Variants in LARS2 observed in about 807,000 individuals in gnomAD.
The protein encoded by LARS2 is leucyl-tRNA synthetase 2, mitochondrial, also known as leucine--tRNA ligase, mitochondrial.
Under a neutral mutation model 116.6 loss-of-function variants are expected in LARS2, and 81 were observed. The ratio of observed to expected loss-of-function variants is 0.69; its 90% CI spans 0.58 to 0.84. The LOEUF is 0.84. Ranked by LOEUF, LARS2 falls within the 40% of genes least tolerant of loss-of-function variation. The probability of loss-of-function intolerance (pLI) is 0.00; values close to 1 mark genes in which losing one functional copy is unlikely to be tolerated. For missense variants in LARS2, 968 were observed against 1,114.5 expected (o/e 0.87, Z 1.87); for synonymous variants, 396 against 407.2 (o/e 0.97, Z 0.33).
intron 4 of LARS2, among the ~76,000 whole-genome samples, chr3:45,415,892 GGGAGAGAGA>G (rs1559461384): frequency 2.0e-4 from 14 of 69,748 alleles, no homozygotes; most frequent in Non-Finnish European, 2.5e-4. Flanking sequence ...GAGAGAGAGA[GGGAGAGAGA>G]GAGAGAGAGA....
intron 20 of LARS2, among the ~76,000 whole-genome samples, chr3:45,539,148 T>C (rs1038931594): frequency 6.6e-5 from 10 of 152,142 alleles, no homozygotes; most frequent in Non-Finnish European, 1.3e-4. Flanking sequence ...ATAATGTTTT[T>C]TCACAGTAAA....
chr3:45,521,053 C>T (rs1700445182), intron 19 of LARS2, among the ~76,000 whole-genome samples: 1 of 152,004 alleles, frequency 6.6e-6, no homozygotes, highest in African/African-American at 2.4e-5. Context: ...ACCTGTAATC[C>T]CAGCACTTTG....
At chr3:45,513,963 T>C (rs1465069986) in intron 16 of LARS2, among the ~76,000 whole-genome samples, 3 of 152,154 alleles carry the variant, frequency 2.0e-5, no homozygotes, top group African/African-American at 7.2e-5. Flanking sequence ...CCCAGCACTT[T>C]GGGAGGCCAA....
In LARS2 at chr3:45,541,831, C is replaced by T. The variant is rs775659325; in HGVS notation, c.2407C>T (p.Leu803=). 6.2e-7 allele frequency: 1 copy of T among 1,614,148 alleles called. No individual in the cohort carries two copies. Among genetic ancestry groups the T allele is most frequent in the South Asian group, 1.1e-5 (1 of 91,076 alleles). The change falls in exon 21 of 22, where the codon CTG becomes TTG. Residue 803 remains leucine, a splice_region_variant and synonymous_variant. Coordinates refer to ENST00000645846, the MANE Select transcript of LARS2 (RefSeq NM_015340.4). Reference sequence around the variant, plus strand: ...GCTTCTGTGCCTCGGCATTGCAGGCCTGGCGCTGGTGCCGAGGAAGCTCTG... The same window carrying T: ...GCTTCTGTGCCTCGGCATTGCAGGCTTGGCGCTGGTGCCGAGGAAGCTCTG... ...PHVTSEIWAG[L]ALVPRKLCAH... is the part of the protein sequence containing the mutation.
At chr3:45,448,418 G>A (rs1371159982) in intron 7 of LARS2, among the ~76,000 whole-genome samples, 6 of 152,074 alleles carry the variant, frequency 3.9e-5, no homozygotes, top group African/African-American at 1.4e-4. Context: ...TGTCTTAGTT[G>A]GTTTGTACTG....
chr3:45,500,534 G>C lies in LARS2; in HGVS notation c.1715G>C (p.Arg572Thr). The C allele has an allele frequency of 1.3e-6, 2 of 1,572,704 alleles. No individual in the cohort carries two copies. Among genetic ancestry groups the C allele is most frequent in the Non-Finnish European group, 1.7e-6 (2 of 1,165,192 alleles). ...EHAVMHLFYA[R>T]FFSHFCHDQK... is the part of the protein sequence containing the mutation. ...GCCGTCATGCACTTGTTCTATGCAA[G>C]ATTCTTTAGTCATTTTTGCCATGAT... Residue 572 changes from arginine to threonine, a missense_variant, in exon 15 of 22, where the codon AGA becomes ACA. Arg to Thr is a moderately conservative substitution (Grantham distance 71, BLOSUM62 -1). Coordinates refer to ENST00000645846, the MANE Select transcript of LARS2 (RefSeq NM_015340.4).
chr3:45,425,840 A>G (rs775478920), intron 6 of LARS2, among the ~76,000 whole-genome samples: 2 of 151,564 alleles, frequency 1.3e-5, no homozygotes, highest in African/African-American at 4.9e-5. Flanking sequence ...CTTGATGACA[A>G]TGCCTTAGCA....
At chr3:45,500,962 C>A (rs974626818) in intron 15 of LARS2, among the ~76,000 whole-genome samples, 1 of 151,652 alleles carries the variant, frequency 6.6e-6, no homozygotes, top group African/African-American at 2.4e-5. Context: ...TTGATGCATC[C>A]CTCTAAAAAA....
rs940337630 is a variant in LARS2 at position 45,547,598 on chromosome 3, C to T, written c.*68C>T. The T allele has an allele frequency of 4.0e-5, 56 of 1,392,764 alleles. No individual in the cohort carries two copies. Among genetic ancestry groups the T allele is most frequent in the Non-Finnish European group, 5.2e-5 (53 of 1,015,226 alleles). The allele number at this position is 1,392,764 out of a possible 1,614,324, so 86.3% of individuals were successfully genotyped here. Reference sequence around the variant, plus strand: ...TCCTTCCAGGCCTGGGATGAGGGGGCGATGTCTGCTGGCCCAGGGGAAGGG... The same window carrying T: ...TCCTTCCAGGCCTGGGATGAGGGGGTGATGTCTGCTGGCCCAGGGGAAGGG... On this transcript the variant is annotated 3_prime_UTR_variant, in exon 22 of 22. Transcript: ENST00000645846.
intron 20 of LARS2, among the ~76,000 whole-genome samples, chr3:45,528,838 A>G (rs1300289483): frequency 6.7e-6 from 1 of 149,832 alleles, no homozygotes; most frequent in Non-Finnish European, 1.5e-5. Context: ...CCATGAACAT[A>G]TATTTATGGG....
intron 12 of LARS2, among the ~76,000 whole-genome samples, chr3:45,491,310 G>A (rs1699910617): frequency 6.6e-6 from 1 of 152,210 alleles, no homozygotes; most frequent in South Asian, 2.1e-4. Context: ...TGATGCAGTT[G>A]TAAAATATAA....
intron 19 of LARS2, among the ~76,000 whole-genome samples, chr3:45,523,590 A>C (rs567611850): frequency 1.3e-5 from 2 of 151,374 alleles, no homozygotes; most frequent in South Asian, 2.1e-4. Context: ...GCAGTGGTGC[A>C]GTCATAGCTC....
chr3:45,515,856 T>C (rs1700362244), intron 16 of LARS2, among the ~76,000 whole-genome samples: 1 of 152,250 alleles, frequency 6.6e-6, no homozygotes, highest in Non-Finnish European at 1.5e-5. Flanking sequence ...CACAGGCCAT[T>C]ATAACTGTCC....
chr3:45,389,779 C>T (rs915088378), intron 1 of LARS2, among the ~76,000 whole-genome samples: 1 of 152,194 alleles, frequency 6.6e-6, no homozygotes, highest in African/African-American at 2.4e-5. Flanking sequence ...CCTTTCACAT[C>T]GTCTTATTCT....
At chr3:45,497,752 C>T (rs1306383993) in intron 14 of LARS2, among the ~76,000 whole-genome samples, 1 of 152,042 alleles carries the variant, frequency 6.6e-6, no homozygotes, top group Non-Finnish European at 1.5e-5. Flanking sequence ...ACCAAAAATA[C>T]AAAAATTAGC....
chr3:45,540,095 T>TA (rs113723280), intron 20 of LARS2, among the ~76,000 whole-genome samples: 1,686 of 152,096 alleles, frequency 0.011, 41 homozygotes, highest in African/African-American at 0.038. Flanking sequence ...CCATCTCTAC[T>TA]AAAAATACAA....
chr3:45,522,468 C>T (rs535931775), intron 19 of LARS2, among the ~76,000 whole-genome samples: 15 of 152,148 alleles, frequency 9.9e-5, no homozygotes, highest in African/African-American at 3.4e-4. Context: ...CAGTGGCTCA[C>T]GCCTGTAATC....
intron 6 of LARS2, among the ~76,000 whole-genome samples, chr3:45,443,901 C>T (rs2125702258): frequency 2.0e-5 from 3 of 152,196 alleles, no homozygotes; most frequent in East Asian, 3.9e-4. Flanking sequence ...TGCCTCAGAG[C>T]TGACACTTCC....
rs185662705 is a variant in LARS2, at chr3:45,427,287, A to G, written c.516+7558A>G. Among the ~76,000 whole-genome samples, 11 of 152,354 alleles carry G rather than the reference A, an allele frequency of 7.2e-5. No individual in the cohort carries two copies. In the East Asian group the frequency reaches 1.9e-3, roughly 27 times the overall value. ...TGAAAATAACAAGGATTATTTTTACATATACTTACAGCAGTGGTTCTCAAA... is the reference window on the plus strand; with the variant it reads ...TGAAAATAACAAGGATTATTTTTACGTATACTTACAGCAGTGGTTCTCAAA... On this transcript the variant is annotated intron_variant, in intron 6 of 21. Transcript: ENST00000645846.
Sources: allele counts gnomAD v4.1 joint callset (sites outside exome capture counted in the v4.1 genomes callset), GRCh38; gene constraint gnomAD v4.1.1; transcripts MANE v1.5; gene names NCBI Gene and HGNC (gene_info 2026-07-23, HGNC 2026-07-21).